Variants in CTIF observed in about 807,000 individuals in gnomAD.
The protein encoded by CTIF is CBP80/20-dependent translation initiation factor.
Under a neutral mutation model 66.0 loss-of-function variants are expected in CTIF, and 21 were observed. That is an observed-to-expected ratio of 0.32 (90% confidence interval 0.23 to 0.46). The LOEUF is 0.46. CTIF is among the 20% of genes least tolerant of loss of function. The pLI, the probability that CTIF is intolerant of heterozygous loss-of-function variation, is 1.00. For synonymous variants in CTIF, 345 were observed against 326.4 expected (o/e 1.06, Z -0.62); for missense variants, 739 against 812.7 (o/e 0.91, Z 1.10).
rs187115063 is a variant in CTIF, at chr18:48,645,021, C to T, written c.252+8336C>T. ...ACTAGATGTAAGGCCATCAAAATGT[C>T]TTGTTGAAAATATAGACCTAAACTT... is the stretch of plus-strand genomic sequence containing the variant. On this transcript the variant is annotated intron_variant, in intron 3 of 11. Coordinates refer to ENST00000256413, the MANE Select transcript of CTIF (RefSeq NM_014772.3). Among the ~76,000 whole-genome samples, 318 of 152,302 alleles carry T rather than the reference C, an allele frequency of 2.1e-3. 1 individual carries two copies. The highest frequency in any genetic ancestry group is 7.1e-3 in the African/African-American group (295 of 41,558).
intron 7 of CTIF, among the ~76,000 whole-genome samples, chr18:48,716,507 T>C (rs1296806175): frequency 6.6e-6 from 1 of 152,072 alleles, no homozygotes; most frequent in Non-Finnish European, 1.5e-5. Context: ...TGGTGTCCTC[T>C]AAATGCTCCT....
At chr18:48,744,785 G>A (rs773407384) in intron 7 of CTIF, among the ~76,000 whole-genome samples, 1 of 151,006 alleles carries the variant, frequency 6.6e-6, no homozygotes, top group Non-Finnish European at 1.5e-5. Context: ...GTCATGACTT[G>A]TTAGTATCTT....
intron 10 of CTIF, 115 bp downstream of exon 10, chr18:48,817,491 C>A: frequency 7.7e-7 from 1 of 1,303,648 alleles, no homozygotes; most frequent in Non-Finnish European, 1.0e-6. Context: ...AGGGACCCAT[C>A]CGGGCCAGGC....
At chr18:48,568,472 G>T (rs1599156206) in intron 1 of CTIF, 1 of 151,890 alleles carries the variant, frequency 6.6e-6, no homozygotes, top group African/African-American at 2.4e-5. Context: ...GTGTGCCTGG[G>T]CTGCCATGAC....
At chr18:48,632,152 G>A (rs1340984277) in intron 2 of CTIF, among the ~76,000 whole-genome samples, 1 of 152,180 alleles carries the variant, frequency 6.6e-6, no homozygotes, top group Non-Finnish European at 1.5e-5. Flanking sequence ...GGGCCTTTAG[G>A]GCCAGGGAAG....
chr18:48,744,539 TTC>T (rs753627102), intron 7 of CTIF, among the ~76,000 whole-genome samples: 43 of 152,302 alleles, frequency 2.8e-4, no homozygotes, highest in Admixed American at 7.2e-4. Flanking sequence ...CATTTTATCC[TTC>T]TCTCTCTCGT....
At chr18:48,635,495 T>G (rs2090802291) in intron 2 of CTIF, among the ~76,000 whole-genome samples, 1 of 152,042 alleles carries the variant, frequency 6.6e-6, no homozygotes, top group Admixed American at 6.6e-5. Flanking sequence ...GGCTAGTTTT[T>G]GCTTTTGTTT....
chr18:48,827,348 G>A (rs2068602545), intron 10 of CTIF, among the ~76,000 whole-genome samples: 1 of 152,192 alleles, frequency 6.6e-6, no homozygotes. Flanking sequence ...CTAGCCAGAG[G>A]AGCCCACGGG....
chr18:48,719,309 A>G (rs897126675), intron 7 of CTIF, among the ~76,000 whole-genome samples: 1 of 152,114 alleles, frequency 6.6e-6, no homozygotes. Flanking sequence ...CACAGCTGCT[A>G]TCTGGAACTT....
chr18:48,649,160 A>G (rs2091107941), intron 3 of CTIF, among the ~76,000 whole-genome samples: 1 of 152,198 alleles, frequency 6.6e-6, no homozygotes, highest in East Asian at 1.9e-4. Context: ...GCATTGCGTC[A>G]CCCGAGAAGC....
chr18:48,858,599 C>T (rs2069383295), intron 11 of CTIF, among the ~76,000 whole-genome samples: 1 of 152,104 alleles, frequency 6.6e-6, no homozygotes, highest in African/African-American at 2.4e-5. Flanking sequence ...ATGAATGGGA[C>T]AAGGCTGGGG....
intron 9 of CTIF, among the ~76,000 whole-genome samples, chr18:48,764,153 A>G (rs2046243): frequency 0.82 from 124,568 of 152,100 alleles, 51,613 homozygotes; most frequent in African/African-American, 0.95. Context: ...AGGTGGTGCT[A>G]GGGCCCCACT....
chr18:48,648,978 T>G (rs1340973981), intron 3 of CTIF, among the ~76,000 whole-genome samples: 1 of 152,162 alleles, frequency 6.6e-6, no homozygotes, highest in African/African-American at 2.4e-5. Flanking sequence ...AAATTGCTCA[T>G]GGACCCATTC....
intron 1 of CTIF, among the ~76,000 whole-genome samples, chr18:48,581,998 G>A (rs544448522): frequency 6.6e-6 from 1 of 152,182 alleles, no homozygotes; most frequent in East Asian, 1.9e-4. Flanking sequence ...GTTGGGTGGA[G>A]AGGGACCCTT....
chr18:48,547,865 G>T (rs975244652), intron 1 of CTIF, among the ~76,000 whole-genome samples: 7 of 152,190 alleles, frequency 4.6e-5, no homozygotes, highest in Non-Finnish European at 8.8e-5. Context: ...GCTTTGGCTC[G>T]GTGCTTTTCG....
intron 9 of CTIF, among the ~76,000 whole-genome samples, chr18:48,788,891 T>A (rs1304698500): frequency 1.3e-5 from 2 of 152,108 alleles, no homozygotes; most frequent in African/African-American, 4.8e-5. Context: ...TACTATGACA[T>A]CAGAGTGAGC....
In CTIF at chr18:48,738,535, T is replaced by TCC. The variant is rs199885562; in HGVS notation, c.585-19380_585-19379dup. ...ACCTCGGGGACTTTGCACTGGCTGT[T>TCC]CCCCCTCCCCGGATTGCTCTTCTCC... On this transcript the variant is annotated intron_variant, in intron 7 of 11. Coordinates refer to ENST00000256413, the MANE Select transcript of CTIF (RefSeq NM_014772.3). 8.3e-4 allele frequency among the ~76,000 whole-genome samples: 126 copies of TCC among 150,996 alleles called. 1 individual carries two copies. In the South Asian group the frequency reaches 9.4e-3, roughly 11 times the overall value.
chr18:48,750,779 C>T (rs1282133702), intron 7 of CTIF, among the ~76,000 whole-genome samples: 2 of 152,218 alleles, frequency 1.3e-5, no homozygotes, highest in Non-Finnish European at 2.9e-5. Flanking sequence ...CTGCACCACA[C>T]GCTGCCATAG....
chr18:48,774,948 T>C (rs1910528527), intron 9 of CTIF, among the ~76,000 whole-genome samples: 2 of 145,488 alleles, frequency 1.4e-5, no homozygotes, highest in Admixed American at 6.8e-5. Context: ...GCAACCGTCA[T>C]TGCATTATTC....
Sources: gnomAD v4.1 joint callset for allele counts (sites outside exome capture counted in the v4.1 genomes callset) on GRCh38, gnomAD v4.1.1 for gene constraint, MANE v1.5 for transcripts, NCBI Gene and HGNC (gene_info 2026-07-23, HGNC 2026-07-21) for gene names.